Variants in PCDH15 observed in about 807,000 individuals in gnomAD.
PCDH15 encodes the protein protocadherin related 15, also known as protocadherin-15.
In PCDH15, 129 loss-of-function variants were observed where a neutral mutation model predicts 178.5. The observed-to-expected ratio is 0.72, with a 90% CI of 0.63 to 0.84. The LOEUF (loss-of-function observed/expected upper bound fraction) is 0.84, where lower values mean the gene tolerates loss of function less well. Ranked by LOEUF, PCDH15 falls within the 40% of genes least tolerant of loss-of-function variation. The pLI is 0.00. For missense variants in PCDH15, 2,230 were observed against 2,099.9 expected (o/e 1.06, Z -1.21); for synonymous variants, 800 against 732.0 (o/e 1.09, Z -1.50).
chr10:53,960,046 G>A (rs953798248), intron 22 of PCDH15, among the ~76,000 whole-genome samples: 3 of 152,170 alleles, frequency 2.0e-5, no homozygotes, highest in East Asian at 3.9e-4. Flanking sequence ...AATCCAGCCA[G>A]ATAAATGTTA....
At chr10:54,895,051 A>G (rs1954523338) in intron 3 of PCDH15, among the ~76,000 whole-genome samples, 1 of 152,224 alleles carries the variant, frequency 6.6e-6, no homozygotes, top group African/African-American at 2.4e-5. Context: ...AGAAAGCATG[A>G]TGTTCATTCT....
intron 10 of PCDH15, among the ~76,000 whole-genome samples, chr10:54,206,118 C>T (rs753846192): frequency 3.3e-5 from 5 of 152,016 alleles, no homozygotes; most frequent in African/African-American, 7.2e-5. Flanking sequence ...TAAGAATATG[C>T]CCATTCTGTT....
chr10:54,634,108 G>T (rs1219666676), intron 2 of PCDH15, among the ~76,000 whole-genome samples: 1 of 151,832 alleles, frequency 6.6e-6, no homozygotes, highest in Admixed American at 6.6e-5. Flanking sequence ...CTTGTATTAG[G>T]AGCAACCTTG....
At chr10:54,232,443 G>GTT (rs1289795495) in intron 9 of PCDH15, among the ~76,000 whole-genome samples, 1 of 152,140 alleles carries the variant, frequency 6.6e-6, no homozygotes, top group East Asian at 1.9e-4. Context: ...AGCAGTGCAA[G>GTT]AACAGACTAA....
At chr10:55,546,596 A>G (rs1031916015) in intron 2 of PCDH15, among the ~76,000 whole-genome samples, 2 of 152,154 alleles carry the variant, frequency 1.3e-5, no homozygotes, top group Non-Finnish European at 2.9e-5. Flanking sequence ...CACAACAGCA[A>G]ATAGACGATC....
chr10:53,929,040 G>A (rs149549092), intron 25 of PCDH15, among the ~76,000 whole-genome samples: 158 of 151,900 alleles, frequency 1.0e-3, no homozygotes, highest in African/African-American at 3.4e-3. Flanking sequence ...ATATGTTTCC[G>A]TCATGAAATA....
chr10:54,737,664 T>C (rs1211796356), intron 1 of PCDH15, among the ~76,000 whole-genome samples: 1 of 151,832 alleles, frequency 6.6e-6, no homozygotes, highest in African/African-American at 2.4e-5. Flanking sequence ...AAAGCATAAA[T>C]TTGATGACAT....
chr10:53,856,421 G>A (rs1423324831), intron 28 of PCDH15, among the ~76,000 whole-genome samples: 1 of 151,900 alleles, frequency 6.6e-6, no homozygotes, highest in Non-Finnish European at 1.5e-5. Context: ...CTGTTAAGGA[G>A]GCAGAGGGAC....
chr10:55,123,311 T>G (rs1034585835), intron 2 of PCDH15, among the ~76,000 whole-genome samples: 3 of 152,094 alleles, frequency 2.0e-5, no homozygotes, highest in Non-Finnish European at 4.4e-5. Flanking sequence ...AACATTTCAT[T>G]TTTTAAAGAT....
chr10:55,237,901 T>C (rs1238215162), intron 1 of PCDH15, among the ~76,000 whole-genome samples: 1 of 152,004 alleles, frequency 6.6e-6, no homozygotes, highest in Non-Finnish European at 1.5e-5. Flanking sequence ...TATTAAATTA[T>C]AAATATGATC....
chr10:55,130,525 T>G (rs1196225213), intron 2 of PCDH15, among the ~76,000 whole-genome samples: 2 of 152,174 alleles, frequency 1.3e-5, no homozygotes, highest in Non-Finnish European at 2.9e-5. Context: ...AAGCTCAGCT[T>G]TGTTATTTTT....
intron 2 of PCDH15, among the ~76,000 whole-genome samples, chr10:55,520,657 T>A (rs528422906): frequency 6.3e-4 from 96 of 151,532 alleles, no homozygotes; most frequent in Non-Finnish European, 1.2e-3. Flanking sequence ...TTAACTTGCC[T>A]ACCAGTGAGC....
intron 2 of PCDH15, among the ~76,000 whole-genome samples, chr10:54,648,227 C>T (rs543270698): frequency 6.6e-6 from 1 of 152,156 alleles, no homozygotes; most frequent in South Asian, 2.1e-4. Flanking sequence ...CTGCACCCAA[C>T]CCAGTACATG....
At chr10:55,464,049 GAAA>G in intron 2 of PCDH15, among the ~76,000 whole-genome samples, 2 of 122,666 alleles carry the variant, frequency 1.6e-5, no homozygotes, top group Non-Finnish European at 1.7e-5. Flanking sequence ...AAGAAAGAAA[GAAA>G]GAAAGAAAGA....
rs1479347708 is a variant in PCDH15, at chr10:54,397,055, G to A, written c.158-18113C>T. On this transcript the variant is annotated intron_variant, in intron 3 of 37. Transcript: ENST00000644397. ...TTCTGAATTGCAATAAAGTCAAACC[G>A]AGCAAGATGGCTTTAATATTGCCCT... Among the ~76,000 whole-genome samples the A allele has an allele frequency of 4.6e-5, 7 of 152,020 alleles. No homozygotes were observed. In the South Asian group the frequency reaches 6.2e-4, roughly 14 times the overall value.
intron 2 of PCDH15, among the ~76,000 whole-genome samples, chr10:54,938,463 T>C (rs1030653514): frequency 6.6e-6 from 1 of 152,164 alleles, no homozygotes; most frequent in Non-Finnish European, 1.5e-5. Context: ...ATGTAATATA[T>C]TCTATTCTAT....
intron 1 of PCDH15, among the ~76,000 whole-genome samples, chr10:54,760,033 A>G (rs1947668958): frequency 6.6e-6 from 1 of 152,200 alleles, no homozygotes; most frequent in African/African-American, 2.4e-5. Flanking sequence ...ATATAAACAG[A>G]TACTTGGCTC....
chr10:54,744,113 T>C (rs532974446), intron 1 of PCDH15, among the ~76,000 whole-genome samples: 67 of 152,242 alleles, frequency 4.4e-4, no homozygotes, highest in African/African-American at 1.5e-3. Flanking sequence ...AGATGCTTTA[T>C]GGATAACATC....
intron 2 of PCDH15, among the ~76,000 whole-genome samples, chr10:54,566,357 T>G (rs922112532): frequency 3.3e-5 from 5 of 152,140 alleles, no homozygotes; most frequent in Non-Finnish European, 2.9e-5. Flanking sequence ...ACTCAAATAC[T>G]AGTTTATATT....
Sources: allele counts gnomAD v4.1 joint callset (sites outside exome capture counted in the v4.1 genomes callset), GRCh38; gene constraint gnomAD v4.1.1; transcripts MANE v1.5; gene names NCBI Gene and HGNC (gene_info 2026-07-23, HGNC 2026-07-21).